TTC6: variants seen among roughly 807,000 people sequenced by gnomAD.
TTC6 encodes tetratricopeptide repeat protein 6.
A neutral mutation model predicts 210.4 loss-of-function variants in TTC6; 172 were observed. That is an observed-to-expected ratio of 0.82 (90% CI 0.72 to 0.93). The LOEUF (loss-of-function observed/expected upper bound fraction) is 0.93. TTC6 is among the 40% of genes least tolerant of loss of function. The pLI, the probability that TTC6 is intolerant of heterozygous loss-of-function variation, is 0.00. For synonymous variants in TTC6, 804 were observed against 819.6 expected (o/e 0.98, Z 0.32); for missense variants, 2,414 against 2,318.1 (o/e 1.04, Z -0.85).
chr14:37,735,492 G>A (rs184225918), intron 7 of TTC6, among the ~76,000 whole-genome samples: 3 of 152,078 alleles, frequency 2.0e-5, no homozygotes, highest in Admixed American at 1.3e-4. Context: ...AGCACTTAAG[G>A]CAAATTTCAT....
intron 29 of TTC6, among the ~76,000 whole-genome samples, chr14:37,838,086 A>C (rs560600098): frequency 2.2e-4 from 33 of 152,312 alleles, no homozygotes; most frequent in African/African-American, 7.9e-4. Flanking sequence ...AGTGTTAAGT[A>C]ATTGGCGAGT....
At chr14:37,829,869 T>C (rs546019683) in intron 29 of TTC6, among the ~76,000 whole-genome samples, 1 of 152,120 alleles carries the variant, frequency 6.6e-6, no homozygotes, top group South Asian at 2.1e-4. Flanking sequence ...ATTTCTACAC[T>C]GCCTGACCAA....
At chr14:37,603,746 GAGGCTGAA>G (rs1486542160) in intron 1 of TTC6, among the ~76,000 whole-genome samples, 1 of 152,178 alleles carries the variant, frequency 6.6e-6, no homozygotes, top group African/African-American at 2.4e-5. Flanking sequence ...ACTTGTGTCT[GAGGCTGAA>G]GATCTCTGAG....
At chr14:37,806,625 T>G (rs2096119131) in intron 22 of TTC6, 115 bp downstream of exon 24, 9 of 1,001,600 alleles carry the variant, frequency 9.0e-6, no homozygotes, top group Admixed American at 3.2e-5. Flanking sequence ...TACCTACTTT[T>G]CACTTAACTT....
intron 3 of TTC6, among the ~76,000 whole-genome samples, chr14:37,686,658 G>A (rs561289862): frequency 1.3e-5 from 2 of 152,278 alleles, no homozygotes; most frequent in African/African-American, 2.4e-5. Flanking sequence ...AAGGTGAGAC[G>A]TGTGTCTCAC....
At chr14:37,636,120 A>T (rs2095680195) in intron 1 of TTC6, among the ~76,000 whole-genome samples, 1 of 152,180 alleles carries the variant, frequency 6.6e-6, no homozygotes, top group African/African-American at 2.4e-5. Flanking sequence ...AGAGCTACAA[A>T]ATATGTGAAG....
chr14:37,699,747 G>A (rs1421154763), intron 4 of TTC6, among the ~76,000 whole-genome samples: 1 of 152,188 alleles, frequency 6.6e-6, no homozygotes, highest in Non-Finnish European at 1.5e-5. Flanking sequence ...TGCATTGGAT[G>A]TGCAGGTGAA....
chr14:37,793,242 C>T (rs1053212123), intron 17 of TTC6, among the ~76,000 whole-genome samples: 4 of 152,116 alleles, frequency 2.6e-5, no homozygotes, highest in Non-Finnish European at 5.9e-5. Context: ...CTACAAAAGC[C>T]AAAGGTCTGC....
upstream of TTC6, among the ~76,000 whole-genome samples, chr14:37,619,032 CCTGTGCAAACAAT>C (rs2095647071): frequency 1.3e-5 from 2 of 152,204 alleles, no homozygotes; most frequent in East Asian, 3.9e-4. Context: ...CATATTGCCA[CCTGTGCAAACAAT>C]AAGAGCCAAA....
In TTC6 at chr14:37,645,745, T is replaced by A. The variant is rs61473365; in HGVS notation, c.939+22742T>A. ...TGAGAAACAACAAGGTGGGGATCTT[T>A]GAATGGGGAGTATGGTAGGAGATGA... On this transcript the variant is annotated intron_variant, in intron 1 of 30. Coordinates refer to ENST00000553443, the Ensembl canonical transcript of TTC6. Among the ~76,000 whole-genome samples, 63 of 152,128 alleles carry A rather than the reference T, an allele frequency of 4.1e-4. 3 individuals carry two copies. The East Asian group carries it at 0.011, about 27-fold the overall frequency.
intron 29 of TTC6, among the ~76,000 whole-genome samples, chr14:37,831,907 C>G (rs986039278): frequency 1.3e-5 from 2 of 152,058 alleles, no homozygotes; most frequent in African/African-American, 4.8e-5. Context: ...TTGATTATTG[C>G]CATTCCTATG....
At chr14:37,748,591 A>T (rs1566928425) in intron 10 of TTC6, among the ~76,000 whole-genome samples, 3 of 151,914 alleles carry the variant, frequency 2.0e-5, no homozygotes, top group African/African-American at 7.3e-5. Context: ...CTTGCATGGC[A>T]TTTTTTTCTC....
intron 6 of TTC6, among the ~76,000 whole-genome samples, chr14:37,720,154 T>G (rs578209670): frequency 8.5e-5 from 13 of 152,172 alleles, no homozygotes; most frequent in African/African-American, 2.9e-4. Context: ...TAGTACAGAA[T>G]GGTTAAAATA....
intron 3 of TTC6, among the ~76,000 whole-genome samples, chr14:37,692,912 C>G (rs1439287102): frequency 6.6e-6 from 1 of 151,382 alleles, no homozygotes; most frequent in Non-Finnish European, 1.5e-5. Context: ...AATCCCAAAA[C>G]CACATATGAC....
intron 1 of TTC6, among the ~76,000 whole-genome samples, chr14:37,657,942 C>T (rs777228073): frequency 1.3e-5 from 2 of 152,078 alleles, no homozygotes; most frequent in Non-Finnish European, 2.9e-5. Context: ...TTTAGAGATG[C>T]ATTTGTTCCA....
intron 14 of TTC6, among the ~76,000 whole-genome samples, chr14:37,762,365 G>C (rs1221898246): frequency 6.6e-6 from 1 of 152,042 alleles, no homozygotes; most frequent in African/African-American, 2.4e-5. Context: ...TGGACCATAT[G>C]GTGACTCTAT....
At chr14:37,750,002 G>T (rs200930111) in intron 12 of TTC6, among the ~76,000 whole-genome samples, 159 bp downstream of exon 14, 1 of 151,974 alleles carries the variant, frequency 6.6e-6, no homozygotes, top group African/African-American at 2.4e-5. Context: ...TCCGGGGCTC[G>T]TACAATCCTA....
At chr14:37,787,247 A>G (rs2096069937) in intron 14 of TTC6, among the ~76,000 whole-genome samples, 1 of 152,222 alleles carries the variant, frequency 6.6e-6, no homozygotes, top group Admixed American at 6.5e-5. Flanking sequence ...AATATGTAGA[A>G]TGTACCTGAT....
intron 29 of TTC6, among the ~76,000 whole-genome samples, chr14:37,838,031 TA>T (rs1179861932): frequency 1.3e-5 from 2 of 152,146 alleles, no homozygotes; most frequent in Non-Finnish European, 2.9e-5. Context: ...ATTCATGGAA[TA>T]GGGGGAAATA....
Sources: allele counts gnomAD v4.1 joint callset (sites outside exome capture counted in the v4.1 genomes callset), GRCh38; gene constraint gnomAD v4.1.1; transcripts MANE v1.5; gene names NCBI Gene and HGNC (gene_info 2026-07-23, HGNC 2026-07-21).